ARHGAP15: variants seen among roughly 807,000 people sequenced by gnomAD.
ARHGAP15 encodes the protein Rho GTPase activating protein 15, also known as rho GTPase-activating protein 15.
ARHGAP15 carries 51 observed loss-of-function variants against 63.7 expected under a neutral mutation model. That is an observed-to-expected ratio of 0.80 (90% CI 0.64 to 1.01). The LOEUF (loss-of-function observed/expected upper bound fraction) is 1.01, where lower values mean the gene tolerates loss of function less well. Among genes scored for constraint, ARHGAP15 ranks in the 50% least tolerant of loss-of-function variants. ARHGAP15 has a pLI of 0.00. For synonymous variants in ARHGAP15, 191 were observed against 193.8 expected, an observed-to-expected ratio of 0.99 and a Z score of 0.12; for missense variants, 560 against 564.6, an observed-to-expected ratio of 0.99 and a Z score of 0.08.
intron 13 of ARHGAP15, among the ~76,000 whole-genome samples, chr2:143,732,992 A>G (rs1685605832): frequency 6.9e-6 from 1 of 144,964 alleles, no homozygotes; most frequent in East Asian, 2.0e-4. Flanking sequence ...GTTTTCTAAT[A>G]GAGAGGGAGG....
intron 6 of ARHGAP15, among the ~76,000 whole-genome samples, chr2:143,399,174 T>A (rs147542015): frequency 6.6e-6 from 1 of 152,248 alleles, no homozygotes; most frequent in East Asian, 1.9e-4. Flanking sequence ...ACTGAGGTAC[T>A]GCCCAGATAA....
At chr2:143,551,643 A>AT (rs1695568411) in intron 10 of ARHGAP15, among the ~76,000 whole-genome samples, 1 of 152,170 alleles carries the variant, frequency 6.6e-6, no homozygotes, top group African/African-American at 2.4e-5. Context: ...TAGTTATCCT[A>AT]TAGAATAAAA....
chr2:143,638,794 C>A (rs1680469305), intron 12 of ARHGAP15, among the ~76,000 whole-genome samples: 1 of 150,794 alleles, frequency 6.6e-6, no homozygotes, highest in Non-Finnish European at 1.5e-5. Flanking sequence ...ATACTATAAA[C>A]TATTAGACTA....
At chr2:143,153,879 C>T (rs77204527) in intron 1 of ARHGAP15, among the ~76,000 whole-genome samples, 615 of 73,736 alleles carry the variant, frequency 8.3e-3, no homozygotes, top group Admixed American at 0.012. Flanking sequence ...CCTCTTCCTC[C>T]TCCTCCTCCT....
intron 2 of ARHGAP15, among the ~76,000 whole-genome samples, chr2:143,190,304 C>G (rs1445801103): frequency 1.3e-5 from 2 of 152,150 alleles, no homozygotes; most frequent in African/African-American, 2.4e-5. Flanking sequence ...TGACAGTCTT[C>G]TCTAAATCAA....
intron 6 of ARHGAP15, among the ~76,000 whole-genome samples, chr2:143,323,894 CAAAAAAA>C (rs55804357): frequency 0.044 from 1,156 of 26,006 alleles, 4 homozygotes; most frequent in Non-Finnish European, 0.061. Flanking sequence ...GACTCCGTCT[CAAAAAAA>C]AAAAAAAAAA....
chr2:143,371,723 A>G (rs1424038840), intron 6 of ARHGAP15, among the ~76,000 whole-genome samples: 4 of 152,088 alleles, frequency 2.6e-5, no homozygotes, highest in Non-Finnish European at 5.9e-5. Flanking sequence ...CCAATATTAT[A>G]CTTTGCCAAA....
chr2:143,392,279 AATAAGTAT>A (rs1333112750), intron 6 of ARHGAP15, among the ~76,000 whole-genome samples: 6 of 152,330 alleles, frequency 3.9e-5, no homozygotes, highest in African/African-American at 1.2e-4. Context: ...GTTAAATGTA[AATAAGTAT>A]ATAATAGAAA....
intron 3 of ARHGAP15, among the ~76,000 whole-genome samples, chr2:143,206,247 A>G (rs1205199408): frequency 3.3e-5 from 5 of 152,092 alleles, no homozygotes; most frequent in Non-Finnish European, 7.4e-5. Flanking sequence ...GTTAGAGGCC[A>G]TGACTTGTAT....
intron 6 of ARHGAP15, among the ~76,000 whole-genome samples, chr2:143,335,524 T>G (rs1174510920): frequency 6.6e-6 from 1 of 152,170 alleles, no homozygotes; most frequent in Non-Finnish European, 1.5e-5. Context: ...TTGGGGAATT[T>G]CATAAGGAGG....
At chr2:143,309,341 T>C (rs1389524997) in intron 6 of ARHGAP15, among the ~76,000 whole-genome samples, 1 of 152,018 alleles carries the variant, frequency 6.6e-6, no homozygotes, top group Non-Finnish European at 1.5e-5. Context: ...GAGGTTCCCA[T>C]GTACAAAAGA....
intron 5 of ARHGAP15, chr2:143,235,935 T>A: frequency 6.5e-7 from 1 of 1,545,018 alleles, no homozygotes; most frequent in African/African-American, 1.4e-5. Context: ...TGCTGTACTT[T>A]GTGATTTTAG....
At chr2:143,283,485 G>C (rs1321061944) in intron 6 of ARHGAP15, among the ~76,000 whole-genome samples, 2 of 152,114 alleles carry the variant, frequency 1.3e-5, no homozygotes, top group Admixed American at 6.6e-5. Flanking sequence ...GTATTATCCT[G>C]TTGTGTATGT....
chr2:143,399,410 A>G (rs1687906361), intron 6 of ARHGAP15, among the ~76,000 whole-genome samples: 1 of 152,080 alleles, frequency 6.6e-6, no homozygotes, highest in African/African-American at 2.4e-5. Context: ...TATCTAAAAA[A>G]GCTGGAATTT....
chr2:143,331,589 G>A (rs1334866421), intron 6 of ARHGAP15, among the ~76,000 whole-genome samples: 1 of 152,108 alleles, frequency 6.6e-6, no homozygotes, highest in Non-Finnish European at 1.5e-5. Flanking sequence ...GAAAATTTTA[G>A]CAGTCAGATT....
At chr2:143,418,426 A>G (rs537790634) in intron 6 of ARHGAP15, among the ~76,000 whole-genome samples, 2 of 152,318 alleles carry the variant, frequency 1.3e-5, no homozygotes, top group African/African-American at 4.8e-5. Context: ...AGAGATATAA[A>G]TAAAACCTTG....
At chr2:143,465,922 G>A (rs561922972) in intron 8 of ARHGAP15, among the ~76,000 whole-genome samples, 1 of 152,190 alleles carries the variant, frequency 6.6e-6, no homozygotes, top group South Asian at 2.1e-4. Flanking sequence ...GCATGGGTTG[G>A]ATACTCTATG....
At chr2:143,627,129 A>G (rs1486424999) in intron 12 of ARHGAP15, among the ~76,000 whole-genome samples, 1 of 152,212 alleles carries the variant, frequency 6.6e-6, no homozygotes, top group Non-Finnish European at 1.5e-5. Flanking sequence ...CCAAGACTCC[A>G]GAACAGTGAG....
chr2:143,198,166 TG>T (rs1327658883), intron 2 of ARHGAP15, among the ~76,000 whole-genome samples: 1 of 152,136 alleles, frequency 6.6e-6, no homozygotes, highest in Non-Finnish European at 1.5e-5. Context: ...TTTTAAGGTT[TG>T]GGTGAGAATT....
Sources: allele counts gnomAD v4.1 joint callset (sites outside exome capture counted in the v4.1 genomes callset), GRCh38; gene constraint gnomAD v4.1.1; transcripts MANE v1.5; gene names NCBI Gene and HGNC (gene_info 2026-07-23, HGNC 2026-07-21).